ARIH1: variants seen among roughly 807,000 people sequenced by gnomAD.
The protein encoded by ARIH1 is E3 ubiquitin-protein ligase ARIH1.
A neutral mutation model predicts 85.0 loss-of-function variants in ARIH1; 8 were observed. That is an observed-to-expected ratio of 0.09 (90% CI 0.06 to 0.17). The LOEUF (loss-of-function observed/expected upper bound fraction) is 0.17. Ranked by LOEUF, ARIH1 falls within the 10% of genes least tolerant of loss-of-function variation. The probability of loss-of-function intolerance (pLI) is 1.00; values close to 1 mark genes in which losing one functional copy is unlikely to be tolerated. For missense variants in ARIH1, 311 were observed against 718.1 expected (o/e 0.43, Z 6.48); for synonymous variants, 238 against 253.6 (o/e 0.94, Z 0.59).
intron 11 of ARIH1, among the ~76,000 whole-genome samples, chr15:72,580,285 G>A (rs1250866733): frequency 6.6e-6 from 1 of 152,122 alleles, no homozygotes; most frequent in African/African-American, 2.4e-5. Flanking sequence ...CTGAGTACTC[G>A]TGTGTGTGTG....
At chr15:72,483,939 A>G (rs1211007168) in intron 1 of ARIH1, among the ~76,000 whole-genome samples, 1 of 152,070 alleles carries the variant, frequency 6.6e-6, no homozygotes, top group African/African-American at 2.4e-5. Context: ...TGGGAGGCCG[A>G]GGCAGGCGGA....
intron 2 of ARIH1, 69 bp from the exon 3 acceptor site, chr15:72,544,751 C>A: frequency 7.4e-7 from 1 of 1,356,242 alleles, no homozygotes. Context: ...TATAGAAAGT[C>A]AGGTTTTTGG....
intron 1 of ARIH1, among the ~76,000 whole-genome samples, chr15:72,509,914 T>TC (rs1394418966): frequency 1.9e-4 from 28 of 151,282 alleles, no homozygotes; most frequent in African/African-American, 6.1e-4. Flanking sequence ...TTTTTTTTTT[T>TC]CCCCAAAGAG....
intron 11 of ARIH1, among the ~76,000 whole-genome samples, chr15:72,574,787 C>T (rs1339481516): frequency 1.3e-5 from 2 of 152,146 alleles, no homozygotes; most frequent in Non-Finnish European, 2.9e-5. Context: ...ATTTTATTTA[C>T]TGGCTGGGCA....
In ARIH1 at chr15:72,583,872, A is replaced by T. The variant is rs2064304790; in HGVS notation, c.*580A>T. ...GAAAAACATAAAAACTTTGTATATG[A>T]CTTTTAAAACAAGAGGACAACACAG... On this transcript the variant is annotated 3_prime_UTR_variant, in exon 14 of 14. Coordinates refer to ENST00000379887, the MANE Select transcript of ARIH1 (RefSeq NM_005744.5). 6.6e-6 allele frequency: 1 copy of T among 152,282 alleles called. No individual in the cohort carries two copies. The highest frequency in any genetic ancestry group is 1.5e-5 in the Non-Finnish European group (1 of 68,066). 9.4% of individuals were successfully genotyped at this position (152,282 alleles called of 1,614,324 possible).
chr15:72,531,496 G>C (rs150190375), intron 2 of ARIH1, among the ~76,000 whole-genome samples: 1 of 152,114 alleles, frequency 6.6e-6, no homozygotes, highest in Non-Finnish European at 1.5e-5. Context: ...TCGAACTCCT[G>C]ACCTCAGGTG....
chr15:72,524,645 A>G (rs1166265489), intron 2 of ARIH1, among the ~76,000 whole-genome samples: 1 of 152,244 alleles, frequency 6.6e-6, no homozygotes, highest in African/African-American at 2.4e-5. Context: ...CTCCTTCCCC[A>G]AAAAGTACTG....
At chr15:72,509,674 G>A (rs2063941638) in intron 1 of ARIH1, among the ~76,000 whole-genome samples, 2 of 152,074 alleles carry the variant, frequency 1.3e-5, no homozygotes, top group South Asian at 4.1e-4. Context: ...CTACAGCCTT[G>A]TGCTACTGGA....
intron 2 of ARIH1, among the ~76,000 whole-genome samples, chr15:72,536,632 T>C (rs924614194): frequency 8.5e-5 from 13 of 152,158 alleles, no homozygotes; most frequent in Admixed American, 2.0e-4. Context: ...GCATAGTTTA[T>C]TGTAATTCTG....
chr15:72,570,380 C>T (rs2064237803), intron 10 of ARIH1, 73 bp downstream of exon 10: 1 of 1,560,948 alleles, frequency 6.4e-7, no homozygotes, highest in African/African-American at 1.4e-5. Flanking sequence ...ACATTTCTAC[C>T]TCATAGATAT....
At chr15:72,499,615 G>A (rs1274404969) in intron 1 of ARIH1, among the ~76,000 whole-genome samples, 1 of 152,200 alleles carries the variant, frequency 6.6e-6, no homozygotes, top group Non-Finnish European at 1.5e-5. Flanking sequence ...TCTAAGTAGT[G>A]TATTATGATT....
In ARIH1 at chr15:72,588,576, C is replaced by T. The variant is rs1490726883; in HGVS notation, c.*5284C>T. The T allele has an allele frequency of 4.6e-5, 7 of 152,044 alleles. No individual in the cohort carries two copies. The highest frequency in any genetic ancestry group is 2.1e-4 in the South Asian group (1 of 4,820). 9.4% of individuals were successfully genotyped at this position (152,044 alleles called of 1,614,324 possible). On this transcript the variant is annotated 3_prime_UTR_variant, in exon 14 of 14. Transcript: ENST00000379887. ...TATAGTTGCAAAAAGAGAATATAGGCGAGCAACTCCAGATCATAAGGGACA... is the reference window on the plus strand; with the variant it reads ...TATAGTTGCAAAAAGAGAATATAGGTGAGCAACTCCAGATCATAAGGGACA...
At position 72,474,873 on chromosome 15, in the gene ARIH1, T is replaced by TGGCGGCGGCGGC. The variant is rs375614248; in HGVS notation, c.246_257dup (p.Gly87_Gly90dup). ...GCGGCAGCGCTCTGGGGCCCGGCGGTGGCGGCGGCGGCGGCGGCGGCGGTG... is the reference window on the plus strand; with the variant it reads ...GCGGCAGCGCTCTGGGGCCCGGCGGTGGCGGCGGCGGCGGCGGCGGCGGCGGCGGCGGCGGTG... On this transcript the variant is annotated inframe_insertion, in exon 1 of 14. Coordinates refer to ENST00000379887, the MANE Select transcript of ARIH1 (RefSeq NM_005744.5). 4.2e-6 allele frequency: 6 copies of TGGCGGCGGCGGC among 1,413,008 alleles called. No individual in the cohort carries two copies. Among genetic ancestry groups the TGGCGGCGGCGGC allele is most frequent in the Admixed American group, 2.7e-5 (1 of 36,700 alleles). 87.5% of individuals were successfully genotyped at this position (1,413,008 alleles called of 1,614,324 possible).
At chr15:72,518,185 A>G (rs764139359) in intron 2 of ARIH1, 51 bp downstream of exon 2, 7 of 1,449,098 alleles carry the variant, frequency 4.8e-6, no homozygotes, top group African/African-American at 1.4e-5. Flanking sequence ...CAGAAAGCCT[A>G]TTGAACCGAA....
chr15:72,578,178 A>C (rs1013821143), intron 11 of ARIH1, among the ~76,000 whole-genome samples: 9 of 152,180 alleles, frequency 5.9e-5, no homozygotes, highest in African/African-American at 1.9e-4. Context: ...CCATATCCAC[A>C]GTCTCTTTCG....
At chr15:72,502,206 C>T (rs1323885864) in intron 1 of ARIH1, among the ~76,000 whole-genome samples, 1 of 152,122 alleles carries the variant, frequency 6.6e-6, no homozygotes, top group Non-Finnish European at 1.5e-5. Flanking sequence ...GTGATAACAT[C>T]CTTCTACTTA....
chr15:72,513,600 G>A (rs2063959231), intron 1 of ARIH1, among the ~76,000 whole-genome samples: 1 of 151,712 alleles, frequency 6.6e-6, no homozygotes, highest in Admixed American at 6.6e-5. Context: ...GTAGTTCCAA[G>A]TTTACCCCCA....
intron 2 of ARIH1, among the ~76,000 whole-genome samples, chr15:72,527,682 ATT>A (rs2140415873): frequency 6.6e-6 from 1 of 152,300 alleles, no homozygotes; most frequent in East Asian, 1.9e-4. Flanking sequence ...TTGTACTGTC[ATT>A]GGCCCAGGCC....
chr15:72,480,911 G>A (rs1423074220), intron 1 of ARIH1, among the ~76,000 whole-genome samples: 2 of 152,094 alleles, frequency 1.3e-5, no homozygotes, highest in African/African-American at 4.8e-5. Context: ...GAAATACTAG[G>A]TTGGTCCTTT....
Sources: allele counts gnomAD v4.1 joint callset (sites outside exome capture counted in the v4.1 genomes callset), GRCh38; gene constraint gnomAD v4.1.1; transcripts MANE v1.5; gene names NCBI Gene and HGNC (gene_info 2026-07-23, HGNC 2026-07-21).